DLC1: variants seen among roughly 807,000 people sequenced by gnomAD.
DLC1 encodes DLC1 Rho GTPase activating protein.
In DLC1, 54 loss-of-function variants were observed where a neutral mutation model predicts 140.3. The ratio of observed to expected loss-of-function variants is 0.38; its 90% confidence interval spans 0.31 to 0.48. DLC1 has a LOEUF of 0.48. Among genes scored for constraint, DLC1 ranks in the 20% least tolerant of loss-of-function variants. DLC1 has a pLI of 0.96. For synonymous variants in DLC1, 986 were observed against 728.1 expected, an observed-to-expected ratio of 1.35 and a Z score of -5.70; for missense variants, 2,536 against 1,907.0, an observed-to-expected ratio of 1.33 and a Z score of -6.14.
intron 5 of DLC1, among the ~76,000 whole-genome samples, chr8:13,161,698 T>A (rs1274757384): frequency 6.6e-6 from 1 of 152,220 alleles, no homozygotes; most frequent in Non-Finnish European, 1.5e-5. Flanking sequence ...TATGTACCTC[T>A]GTTCCTTATG....
At chr8:13,109,070 A>T (rs184896111) in intron 7 of DLC1, among the ~76,000 whole-genome samples, 19 of 152,336 alleles carry the variant, frequency 1.2e-4, no homozygotes, top group African/African-American at 4.6e-4. Context: ...TTAAACCATG[A>T]GAACTAGTCT....
At chr8:13,152,942 T>TTGTAACTACTTTGACCATAACA (rs1823942502) in intron 5 of DLC1, among the ~76,000 whole-genome samples, 2 of 152,184 alleles carry the variant, frequency 1.3e-5, no homozygotes, top group Non-Finnish European at 2.9e-5. Context: ...TAATGAAACT[T>TTGTAACTACTTTGACCATAACA]TGTAACTACT....
intron 4 of DLC1, among the ~76,000 whole-genome samples, chr8:13,359,072 G>C (rs1381316785): frequency 1.3e-5 from 2 of 152,116 alleles, no homozygotes; most frequent in South Asian, 2.1e-4. Flanking sequence ...CCAGGTAGCT[G>C]AGACTACAGG....
intron 4 of DLC1, among the ~76,000 whole-genome samples, chr8:13,370,500 G>C (rs989607850): frequency 6.6e-6 from 1 of 152,030 alleles, no homozygotes; most frequent in Non-Finnish European, 1.5e-5. Context: ...TCTTCTTGGA[G>C]CTCCACACAG....
At chr8:13,602,733 A>T (rs1585322105) in intron 1 of DLC1, among the ~76,000 whole-genome samples, 1 of 151,908 alleles carries the variant, frequency 6.6e-6, no homozygotes, top group Non-Finnish European at 1.5e-5. Flanking sequence ...CTAAAACAAA[A>T]CAAAATAAAA....
intron 5 of DLC1, among the ~76,000 whole-genome samples, chr8:13,128,936 G>T (rs995286809): frequency 2.0e-5 from 3 of 152,044 alleles, no homozygotes; most frequent in Middle Eastern, 3.4e-3. Flanking sequence ...TAATTATGAT[G>T]GCAAGTGAAC....
intron 5 of DLC1, among the ~76,000 whole-genome samples, chr8:13,123,944 G>A (rs940446461): frequency 6.6e-6 from 1 of 152,160 alleles, no homozygotes; most frequent in African/African-American, 2.4e-5. Flanking sequence ...ATACATGTAT[G>A]TACATGTATA....
intron 2 of DLC1, among the ~76,000 whole-genome samples, chr8:13,464,647 C>A (rs73208042): frequency 6.6e-6 from 1 of 151,614 alleles, no homozygotes; most frequent in Non-Finnish European, 1.5e-5. Flanking sequence ...GTGCTCCTCT[C>A]CTCTCCTGTC....
intron 7 of DLC1, 60 bp downstream of exon 7, chr8:13,110,682 T>C: frequency 1.4e-6 from 2 of 1,479,104 alleles, no homozygotes; most frequent in East Asian, 2.3e-5. Flanking sequence ...CCTATCTTTG[T>C]GAGAAGTACT....
At chr8:13,384,547 C>G (rs1271839872) in intron 4 of DLC1, among the ~76,000 whole-genome samples, 10 of 118,294 alleles carry the variant, frequency 8.5e-5, no homozygotes. Flanking sequence ...GTTTTCAATT[C>G]TAAACGTTCA....
At chr8:13,166,448 C>A (rs1825115751) in intron 5 of DLC1, among the ~76,000 whole-genome samples, 1 of 152,148 alleles carries the variant, frequency 6.6e-6, no homozygotes, top group Admixed American at 6.5e-5. Flanking sequence ...TCAAGCTATT[C>A]TCCTGCCTCA....
At chr8:13,390,232 T>G (rs1220549344) in intron 4 of DLC1, among the ~76,000 whole-genome samples, 1 of 152,092 alleles carries the variant, frequency 6.6e-6, no homozygotes, top group South Asian at 2.1e-4. Context: ...ACACACAAAT[T>G]GAAAGAATGA....
At chr8:13,206,295 C>T (rs1024721302) in intron 5 of DLC1, among the ~76,000 whole-genome samples, 1 of 151,964 alleles carries the variant, frequency 6.6e-6, no homozygotes, top group Non-Finnish European at 1.5e-5. Context: ...AATGTATTTC[C>T]CAGTAAAAAC....
chr8:13,588,004 T>C (rs1187100566), intron 1 of DLC1, among the ~76,000 whole-genome samples: 1 of 152,090 alleles, frequency 6.6e-6, no homozygotes, highest in Non-Finnish European at 1.5e-5. Context: ...TCCAAAGTCA[T>C]TGACCTTTAT....
intron 5 of DLC1, among the ~76,000 whole-genome samples, chr8:13,135,474 C>A (rs1037512883): frequency 6.6e-6 from 1 of 152,100 alleles, no homozygotes; most frequent in Non-Finnish European, 1.5e-5. Context: ...AGCCACCGCG[C>A]CCGGTCGAGA....
intron 2 of DLC1, among the ~76,000 whole-genome samples, chr8:13,464,611 A>G (rs887080679): frequency 6.6e-5 from 10 of 151,750 alleles, no homozygotes; most frequent in African/African-American, 2.2e-4. Flanking sequence ...GAAATGGAAA[A>G]TTACCAATGA....
At chr8:13,394,838 AG>A (rs1156378426) in intron 3 of DLC1, among the ~76,000 whole-genome samples, 1 of 152,118 alleles carries the variant, frequency 6.6e-6, no homozygotes, top group Non-Finnish European at 1.5e-5. Context: ...CCCTTGTCCC[AG>A]TATTTCCCTT....
chr8:13,276,590 C>T, intron 5 of DLC1: 2 of 1,262,690 alleles, frequency 1.6e-6, no homozygotes, highest in Non-Finnish European at 2.0e-6. Context: ...GCGGCGGCCA[C>T]ATCTGGAAAG....
chr8:13,188,843 AT>A (rs869162448), intron 5 of DLC1, among the ~76,000 whole-genome samples: 37 of 30,656 alleles, frequency 1.2e-3, no homozygotes, highest in African/African-American at 1.5e-3. Context: ...ATATATATAT[AT>A]TTTTTTTTTT....
Sources: gnomAD v4.1 joint callset for allele counts (sites outside exome capture counted in the v4.1 genomes callset) on GRCh38, gnomAD v4.1.1 for gene constraint, MANE v1.5 for transcripts, NCBI Gene and HGNC (gene_info 2026-07-23, HGNC 2026-07-21) for gene names.